The following CPSF3 variants were observed in gnomAD, a reference collection of about 807,000 sequenced individuals.
CPSF3 encodes the protein cleavage and polyadenylation specificity factor subunit 3.
In CPSF3, 57 loss-of-function variants were observed where a neutral mutation model predicts 84.1. The ratio of observed to expected loss-of-function variants is 0.68; its 90% CI spans 0.55 to 0.85. CPSF3 has a LOEUF of 0.85. CPSF3 is among the 40% of genes least tolerant of loss of function. CPSF3 has a pLI of 0.00. For synonymous variants in CPSF3, 275 were observed against 278.1 expected, an observed-to-expected ratio of 0.99 and a Z score of 0.11; for missense variants, 522 against 838.8, an observed-to-expected ratio of 0.62 and a Z score of 4.66.
chr2:9,466,220 ACGCACACACACACGTGCG>A (rs1270115590), intron 15 of CPSF3, among the ~76,000 whole-genome samples: 4 of 147,962 alleles, frequency 2.7e-5, no homozygotes, highest in African/African-American at 7.6e-5. Flanking sequence ...GCACACACGC[ACGCACACACACACGTGCG>A]CGCACGCACG....
intron 5 of CPSF3, among the ~76,000 whole-genome samples, chr2:9,432,907 A>T (rs1396276720): frequency 6.6e-6 from 1 of 152,246 alleles, no homozygotes; most frequent in Non-Finnish European, 1.5e-5. Context: ...AAAAATTTTT[A>T]AAGACTGAGA....
At chr2:9,456,365 C>T (rs143594492) in intron 13 of CPSF3, among the ~76,000 whole-genome samples, 10 of 152,344 alleles carry the variant, frequency 6.6e-5, no homozygotes, top group Non-Finnish European at 7.3e-5. Context: ...CCATCAGTAA[C>T]GCTCTTCATG....
chr2:9,469,501 G>A (rs560550409), intron 16 of CPSF3, among the ~76,000 whole-genome samples: 22 of 152,284 alleles, frequency 1.4e-4, no homozygotes, highest in African/African-American at 5.1e-4. Flanking sequence ...CTGCAGTCGG[G>A]GTGCAGAATG....
intron 11 of CPSF3, among the ~76,000 whole-genome samples, chr2:9,449,948 TA>T (rs1413544678): frequency 6.6e-6 from 1 of 152,088 alleles, no homozygotes; most frequent in Non-Finnish European, 1.5e-5. Flanking sequence ...TTTAAATTTT[TA>T]AAAAGGAATT....
Position 9,429,989 on chromosome 2 carries a change from C to G in CPSF3, c.181C>G (p.Pro61Ala). Residue 61 changes from proline to alanine, a missense_variant, in exon 3 of 18, where the codon CCA (proline) becomes GCA (alanine). Physicochemically the swap from Pro to Ala is conservative, Grantham distance 27 (BLOSUM62 -1). Around this residue, in one of 2 missense-constraint regions of CPSF3, gnomAD observed 329 missense variants for 607.2 expected, o/e 0.54. Transcript: ENST00000238112. ...TCTTCCTTATATTGATTTAATTGAC[C>G]CAGCTGAGATTGATCTCCTATTAAT... ...DALPYIDLID[P>A]AEIDLLLISH... 1 of 1,579,668 alleles carries G rather than the reference C, an allele frequency of 6.3e-7. No individual in the cohort carries two copies. The highest frequency in any genetic ancestry group is 8.6e-7 in the Non-Finnish European group (1 of 1,166,808).
chr2:9,425,075 G>T (rs989796048), intron 1 of CPSF3: 2 of 152,238 alleles, frequency 1.3e-5, no homozygotes, highest in Non-Finnish European at 2.9e-5. Context: ...GATACCTCGT[G>T]GATCCTGAAA....
chr2:9,429,857 C>T (rs917530560), intron 2 of CPSF3, 66 bp from the exon 3 acceptor site: 18 of 1,061,260 alleles, frequency 1.7e-5, no homozygotes, highest in Non-Finnish European at 2.6e-5. Context: ...GAATTATTGC[C>T]TATTTGCCGA....
intron 15 of CPSF3, among the ~76,000 whole-genome samples, chr2:9,465,586 A>G (rs767128001): frequency 3.3e-5 from 5 of 151,880 alleles, no homozygotes; most frequent in Non-Finnish European, 5.9e-5. Flanking sequence ...TATATATAAA[A>G]AATATATAAA....
intron 1 of CPSF3, chr2:9,424,237 G>A: frequency 1.0e-6 from 1 of 994,436 alleles, no homozygotes; most frequent in African/African-American, 1.7e-5. Context: ...GCCGTGCAGG[G>A]AAGAATTAAG....
At chr2:9,448,966 A>C (rs1393137861) in intron 11 of CPSF3, among the ~76,000 whole-genome samples, 1 of 152,226 alleles carries the variant, frequency 6.6e-6, no homozygotes, top group East Asian at 1.9e-4. Context: ...TTGTTACTGT[A>C]GCCAGTATAG....
intron 1 of CPSF3, 131 bp downstream of exon 1, chr2:9,423,954 G>C: frequency 6.8e-7 from 1 of 1,470,362 alleles, no homozygotes; most frequent in East Asian, 2.6e-5. Flanking sequence ...GCGCTTGCGG[G>C]CCAGGCTTCT....
At chr2:9,452,516 G>A (rs1465357865) in intron 11 of CPSF3, among the ~76,000 whole-genome samples, 1 of 152,142 alleles carries the variant, frequency 6.6e-6, no homozygotes, top group South Asian at 2.1e-4. Flanking sequence ...AGCCTCCCAG[G>A]TTTGTATCAG....
intron 16 of CPSF3, 28 bp from the exon 17 acceptor site, chr2:9,471,315 C>G: frequency 7.2e-7 from 1 of 1,380,256 alleles, no homozygotes; most frequent in Non-Finnish European, 1.0e-6. Flanking sequence ...GGCATTTTCA[C>G]TAATCCTGCA....
chr2:9,436,511 C>T (rs540702919), intron 7 of CPSF3, 150 bp downstream of exon 7: 22 of 740,080 alleles, frequency 3.0e-5, no homozygotes, highest in East Asian at 1.5e-4. Context: ...CGGTGGCTCA[C>T]GCCTGTAATC....
chr2:9,442,056 G>T, intron 9 of CPSF3, 80 bp downstream of exon 9: 4 of 1,400,086 alleles, frequency 2.9e-6, no homozygotes, highest in Non-Finnish European at 4.0e-6. Flanking sequence ...TTTTTGCACT[G>T]AAGTAGTTCT....
rs1008348148 is a variant in CPSF3, at chr2:9,442,266, A to G, written c.1095+290A>G. Among the ~76,000 whole-genome samples, 8 of 152,134 alleles carry G rather than the reference A, an allele frequency of 5.3e-5. 1 individual carries two copies. Among genetic ancestry groups the G allele is most frequent in the African/African-American group, 1.9e-4 (8 of 41,428 alleles). On this transcript the variant is annotated intron_variant, in intron 9 of 17. Coordinates refer to ENST00000238112, the MANE Select transcript of CPSF3 (RefSeq NM_016207.4). Reference sequence around the variant, plus strand: ...GGAACCTGTTTGAGACAAACACGTGAATACTCTCCGTCCTCTCATGAAGAA... The same window carrying G: ...GGAACCTGTTTGAGACAAACACGTGGATACTCTCCGTCCTCTCATGAAGAA...
chr2:9,446,769 A>T (rs1350457088), intron 10 of CPSF3, among the ~76,000 whole-genome samples: 2 of 151,562 alleles, frequency 1.3e-5, no homozygotes, highest in East Asian at 3.9e-4. Context: ...AAAAAAGAAC[A>T]ATCTGTCTTG....
intron 12 of CPSF3, among the ~76,000 whole-genome samples, chr2:9,453,272 T>C (rs537112321): frequency 1.4e-4 from 22 of 152,364 alleles, no homozygotes; most frequent in African/African-American, 5.1e-4. Context: ...TTCACCTTGT[T>C]TTCTACCCTC....
At chr2:9,452,868 G>A (rs1337679751) in intron 11 of CPSF3, 45 bp from the exon 12 acceptor site, 1 of 1,305,734 alleles carries the variant, frequency 7.7e-7, no homozygotes. Context: ...CTGAAAAACT[G>A]CATTTTACCA....
Sources: allele counts gnomAD v4.1 joint callset (sites outside exome capture counted in the v4.1 genomes callset), GRCh38; gene constraint gnomAD v4.1.1; regional missense constraint gnomAD v4.1.1; transcripts MANE v1.5; gene names NCBI Gene and HGNC (gene_info 2026-07-23, HGNC 2026-07-21).